The following SALL4 variants were observed in gnomAD, a reference collection of about 807,000 sequenced individuals.
SALL4 encodes the protein spalt like transcription factor 4.
SALL4 carries 4 observed loss-of-function variants against 60.8 expected under a neutral mutation model. The ratio of observed to expected loss-of-function variants is 0.07; its 90% CI spans 0.03 to 0.15. The LOEUF (loss-of-function observed/expected upper bound fraction) is 0.15. Ranked by LOEUF, SALL4 falls within the 10% of genes least tolerant of loss-of-function variation. The pLI, the probability that SALL4 is intolerant of heterozygous loss-of-function variation, is 1.00. For synonymous variants in SALL4, 580 were observed against 574.9 expected (o/e 1.01, Z -0.13); for missense variants, 1,178 against 1,394.7 (o/e 0.84, Z 2.48).
Position 51,784,692 on chromosome 20 carries a change from A to T in SALL4, c.2743-8T>A. On this transcript the variant is annotated splice_polypyrimidine_tract_variant and splice_region_variant and intron_variant, in intron 3 of 3. Coordinates refer to ENST00000217086, the MANE Select transcript of SALL4 (RefSeq NM_020436.5). ...GTGTGTCATGTAGTGAACCTATGGG[A>T]ACAGGACAGAAAGGTTTTTACCAAA... The T allele has an allele frequency of 6.2e-7, 1 of 1,614,158 alleles. No homozygotes were observed. The highest frequency in any genetic ancestry group is 8.5e-7 in the Non-Finnish European group (1 of 1,180,014).
chr20:51,787,172 A>G (rs1451780002), intron 3 of SALL4, among the ~76,000 whole-genome samples: 1 of 152,136 alleles, frequency 6.6e-6, no homozygotes, highest in African/African-American at 2.4e-5. Context: ...CCTACAATCC[A>G]GGACTTTGGG....
rs2077965365 is a variant in SALL4, at chr20:51,783,085, C to T, written c.*1180G>A. On this transcript the variant is annotated 3_prime_UTR_variant, in exon 4 of 4. Coordinates refer to ENST00000217086, the MANE Select transcript of SALL4 (RefSeq NM_020436.5). ...TCAACAAAAGCAATCAGTATGTGAACCTGTGATGGGAAACACGCCCTTCCA... is the reference window on the plus strand; with the variant it reads ...TCAACAAAAGCAATCAGTATGTGAATCTGTGATGGGAAACACGCCCTTCCA... The T allele has an allele frequency of 6.6e-6, 1 of 152,114 alleles. No homozygotes were observed. 9.4% of individuals were successfully genotyped at this position (152,114 alleles called of 1,614,324 possible).
Position 51,802,464 on chromosome 20 carries a change from A to AT in SALL4, c.-57dup, listed in dbSNP as rs2030528809. 4 of 1,610,762 alleles carry AT rather than the reference A, an allele frequency of 2.5e-6. No homozygotes were observed. Among genetic ancestry groups the AT allele is most frequent in the Admixed American group, 1.7e-5 (1 of 59,676 alleles). ...CAGTTATTTGCCCTCTCCGCCACAA[A>AT]TTCCTGGAGTTGGGAAATTTACCCC... On this transcript the variant is annotated 5_prime_UTR_variant, in exon 1 of 4. Coordinates refer to ENST00000217086, the MANE Select transcript of SALL4 (RefSeq NM_020436.5).
intron 3 of SALL4, among the ~76,000 whole-genome samples, chr20:51,785,630 G>T (rs1348163788): frequency 1.3e-5 from 2 of 152,006 alleles, no homozygotes; most frequent in Non-Finnish European, 2.9e-5. Flanking sequence ...AAGTGCCAGG[G>T]TTAACATTTT....
intron 1 of SALL4, 53 bp downstream of exon 1, chr20:51,802,226 C>T (rs1420737137): frequency 8.5e-6 from 13 of 1,535,002 alleles, no homozygotes; most frequent in African/African-American, 2.8e-5. Context: ...TCGAGGATCC[C>T]GCGTACGTCC....
In SALL4 at chr20:51,801,451, CT is replaced by C. The variant is rs1235166083; in HGVS notation, c.130+827del. 88 of 152,332 alleles carry C rather than the reference CT, an allele frequency of 5.8e-4. No individual in the cohort carries two copies. Among genetic ancestry groups the C allele is most frequent in the African/African-American group, 2.1e-3 (87 of 41,574 alleles). The allele number at this position is 152,332 out of a possible 1,614,324, so 9.4% of individuals were successfully genotyped here. On this transcript the variant is annotated intron_variant, in intron 1 of 3. Coordinates refer to ENST00000217086, the MANE Select transcript of SALL4 (RefSeq NM_020436.5). The surrounding 1 kb of genome is among the most constrained non-coding windows in gnomAD (Gnocchi z 5.2). ...GGGAGGCCGGTGCACCCCAGTGGGG[CT>C]GCCGCGCGCCCGCCACCCCGGCCAC...
rs924253052 is a variant in SALL4 at position 51,788,656 on chromosome 20, C to CCACTG, written c.2742+200_2742+204dup. 6.6e-6 allele frequency among the ~76,000 whole-genome samples: 1 copy of CCACTG among 152,032 alleles called. No individual in the cohort carries two copies. Among genetic ancestry groups the CCACTG allele is most frequent in the African/African-American group, 2.4e-5 (1 of 41,386 alleles). ...CAGTGAGCTTGAGCTTGAGATGGCGCCACTGCACTCCAGTCTGGGCGACAG... is the reference window on the plus strand; with the variant it reads ...CAGTGAGCTTGAGCTTGAGATGGCGCCACTGCACTGCACTCCAGTCTGGGCGACAG... On this transcript the variant is annotated intron_variant, in intron 3 of 3. Transcript: ENST00000217086. This position sits in a 1 kb window ranked among gnomAD's most constrained non-coding sequence, Gnocchi z 4.1.
chr20:51,790,047 G>C lies in SALL4; in HGVS notation c.2436C>G (p.Ser812=), dbSNP rs762041918. 1 of 1,614,000 alleles carries C rather than the reference G, an allele frequency of 6.2e-7. No homozygotes were observed. Among genetic ancestry groups the C allele is most frequent in the Non-Finnish European group, 8.5e-7 (1 of 1,180,046 alleles). The change falls in exon 2 of 4, where the codon TCC becomes TCG. Residue 812 remains serine, a synonymous_variant. Coordinates refer to ENST00000217086, the MANE Select transcript of SALL4 (RefSeq NM_020436.5). The surrounding 1 kb of genome is among the most constrained non-coding windows in gnomAD (Gnocchi z 5.5). ...CTTCCATCTCAGTGCGGCTGTTCTC[G>C]GAGCTCTCTGCTTTGCTCCCAGCAT... ...SPDAGSKAES[S]ENSRTEMEGR...
rs779650432 is a variant in SALL4 at position 51,791,748 on chromosome 20, G to A, written c.735C>T (p.His245=). 53 of 1,613,990 alleles carry A rather than the reference G, an allele frequency of 3.3e-5. No homozygotes were observed. The South Asian group carries it at 3.7e-4, about 11-fold the overall frequency. ...IRIQVNMWAS[H]ALHSSGAGAD... ...CCCCTGCCCCGCTTGAGTGGAGGGC[G>A]TGGGAGGCCCACATGTTCACCTGGA... The change falls in exon 2 of 4, where the codon CAC becomes CAT. Residue 245 remains histidine, a synonymous_variant. Transcript: ENST00000217086. This position sits in a 1 kb window ranked among gnomAD's most constrained non-coding sequence, Gnocchi z 4.6.
At chr20:51,789,487 T>C (rs1273473249) in intron 2 of SALL4, among the ~76,000 whole-genome samples, 1 of 152,198 alleles carries the variant, frequency 6.6e-6, no homozygotes, top group African/African-American at 2.4e-5. Flanking sequence ...TCCCTTATTT[T>C]ACCATTAATG....
chr20:51,787,264 A>G (rs2122956720), intron 3 of SALL4, among the ~76,000 whole-genome samples: 1 of 151,864 alleles, frequency 6.6e-6, no homozygotes, highest in East Asian at 1.9e-4. Flanking sequence ...TCTACTAAAA[A>G]TATACAAAAA....
rs1601161563 is a variant in SALL4, at chr20:51,784,162, A to G, written c.*103T>C. 7.4e-7 allele frequency: 1 copy of G among 1,346,966 alleles called. No homozygotes were observed. Among genetic ancestry groups the G allele is most frequent in the African/African-American group, 1.4e-5 (1 of 69,760 alleles). 83.4% of individuals were successfully genotyped at this position (1,346,966 alleles called of 1,614,324 possible). ...CCAACGTAGTAAACATCATTTGCATATCAGTAAGAAAAAGAAAACAGGAGG... is the reference window on the plus strand; with the variant it reads ...CCAACGTAGTAAACATCATTTGCATGTCAGTAAGAAAAAGAAAACAGGAGG... On this transcript the variant is annotated 3_prime_UTR_variant, in exon 4 of 4. Coordinates refer to ENST00000217086, the MANE Select transcript of SALL4 (RefSeq NM_020436.5).
Position 51,790,027 on chromosome 20 carries a change from A to C in SALL4, c.2456T>G (p.Met819Arg), listed in dbSNP as rs745371963. 1.2e-6 allele frequency: 2 copies of C among 1,614,138 alleles called. No homozygotes were observed. The highest frequency in any genetic ancestry group is 2.2e-5 in the South Asian group (2 of 91,066). Reference protein sequence around the residue: ...AESSENSRTEMEGRSSLPSTF... With the variant: ...AESSENSRTEREGRSSLPSTF... ...TAAATCCAAAGCTCTATCACCTTCC[A>C]TCTCAGTGCGGCTGTTCTCGGAGCT... The change falls in exon 2 of 4, where the codon ATG (methionine) becomes AGG (arginine). Residue 819 changes from methionine (M) to arginine (R), a missense_variant. By Grantham distance (91) the Met-to-Arg change is moderately conservative (BLOSUM62 -1). Transcript: ENST00000217086. This position sits in a 1 kb window ranked among gnomAD's most constrained non-coding sequence, Gnocchi z 5.5.
At position 51,791,932 on chromosome 20, in the gene SALL4, T is replaced by C. The variant is rs2078046938; in HGVS notation, c.551A>G (p.Gln184Arg). The part of the protein sequence containing the change: ...GKVANTNVTL[Q>R]ALRGTKVAVN... ...CGCCACCTTGGTGCCCCGTAGTGCC[T>C]GCAAGGTCACATTAGTGTTGGCCAC... The change falls in exon 2 of 4, where the codon CAG becomes CGG. Residue 184 changes from glutamine to arginine, a missense_variant. By Grantham distance (43) the Gln-to-Arg change is conservative. Around this residue, in one of 5 missense-constraint regions of SALL4, gnomAD observed 853 missense variants for 1,036.8 expected, o/e 0.82. Transcript: ENST00000217086. The surrounding 1 kb of genome is among the most constrained non-coding windows in gnomAD (Gnocchi z 4.6). 1 of 1,614,244 alleles carries C rather than the reference T, an allele frequency of 6.2e-7. No individual in the cohort carries two copies. The highest frequency in any genetic ancestry group is 1.3e-5 in the African/African-American group (1 of 75,082).
chr20:51,784,460 C>T lies in SALL4; in HGVS notation c.2967G>A (p.Val989=). The T allele has an allele frequency of 6.2e-7, 1 of 1,614,214 alleles. No homozygotes were observed. Among genetic ancestry groups the T allele is most frequent in the Non-Finnish European group, 8.5e-7 (1 of 1,180,042 alleles). ...GGGTAGGAACCCCCCCACTCTGGAT[C>T]ACAGAGATCTCATTGGTCTTCACGG... ...GLAVKTNEIS[V]IQSGGVPTLP... The change falls in exon 4 of 4, where the codon GTG becomes GTA. Residue 989 remains valine, a synonymous_variant. Coordinates refer to ENST00000217086, the MANE Select transcript of SALL4 (RefSeq NM_020436.5).
At chr20:51,796,196 C>CAAAA (rs11474910) in intron 1 of SALL4, among the ~76,000 whole-genome samples, 16 of 90,356 alleles carry the variant, frequency 1.8e-4, no homozygotes, top group South Asian at 4.1e-4. Context: ...AAGACTGTCT[C>CAAAA]AAAAAAAAAA....
chr20:51,792,339 G>A lies in SALL4; in HGVS notation c.144C>T (p.Asn48=). The A allele has an allele frequency of 6.2e-7, 1 of 1,603,502 alleles. No individual in the cohort carries two copies. Among genetic ancestry groups the A allele is most frequent in the Non-Finnish European group, 8.5e-7 (1 of 1,179,950 alleles). ...TCGCCACCTCGTCATTCCCTGGGTG[G>A]TTCACTGGAGCACCTGTAACAAGAC... The part of the protein sequence containing the change: ...PAAGELGAPV[N]HPGNDEVASE... Residue 48 remains asparagine (N), a synonymous_variant, in exon 2 of 4, where the codon AAC becomes AAT. Transcript: ENST00000217086.
Position 51,784,687 on chromosome 20 carries a change from A to G in SALL4, c.2743-3T>C, listed in dbSNP as rs373371118. ...GCCCCGTGTGTCATGTAGTGAACCT[A>G]TGGGAACAGGACAGAAAGGTTTTTA... On this transcript the variant is annotated splice_polypyrimidine_tract_variant and splice_region_variant and intron_variant, in intron 3 of 3. Coordinates refer to ENST00000217086, the MANE Select transcript of SALL4 (RefSeq NM_020436.5). The G allele has an allele frequency of 4.4e-5, 71 of 1,614,034 alleles. No individual in the cohort carries two copies. Among genetic ancestry groups the G allele is most frequent in the Non-Finnish European group, 5.9e-5 (70 of 1,180,024 alleles).
intron 1 of SALL4, chr20:51,792,921 A>G (rs536092080): frequency 1.8e-5 from 18 of 997,018 alleles, no homozygotes; most frequent in African/African-American, 1.7e-4. Flanking sequence ...CAAGATATCA[A>G]TGGAGCTTGG....
Sources: allele counts gnomAD v4.1 joint callset (sites outside exome capture counted in the v4.1 genomes callset), GRCh38; gene constraint gnomAD v4.1.1; regional missense constraint gnomAD v4.1.1; non-coding constraint Gnocchi (gnomAD v3.1); transcripts MANE v1.5; gene names NCBI Gene and HGNC (gene_info 2026-07-23, HGNC 2026-07-21).